The following GPN2 variants were observed in gnomAD, a reference collection of about 807,000 sequenced individuals.
GPN2 encodes GPN-loop GTPase 2.
A neutral mutation model predicts 30.1 loss-of-function variants in GPN2; 27 were observed. The ratio of observed to expected loss-of-function variants is 0.90; its 90% CI spans 0.66 to 1.24. The LOEUF is 1.24. Ranked by LOEUF, GPN2 falls within the 50% of genes most tolerant of loss-of-function variation. The probability of loss-of-function intolerance (pLI) is 0.00; values close to 1 mark genes in which losing one functional copy is unlikely to be tolerated. For missense variants in GPN2, 406 were observed against 405.4 expected (o/e 1.00, Z -0.01); for synonymous variants, 212 against 174.4 (o/e 1.22, Z -1.70).
At chr1:26,885,943 T>G (rs376374514) in intron 3 of GPN2, 30 bp downstream of exon 3, 10 of 1,560,210 alleles carry the variant, frequency 6.4e-6, no homozygotes, top group Non-Finnish European at 6.2e-6. Flanking sequence ...TCCCATGCAC[T>G]GTCAAGAGTC....
rs1333074231 is a variant in GPN2, at chr1:26,879,546, C to T, written c.*131G>A. On this transcript the variant is annotated 3_prime_UTR_variant, in exon 5 of 5. Transcript: ENST00000374135. ...TTTTGGCCAGAAGTCCTTTGCAGAG[C>T]TGAATATCCCCTTGCCAGCCCGCCA... 4.3e-6 allele frequency: 3 copies of T among 694,580 alleles called. No individual in the cohort carries two copies. The highest frequency in any genetic ancestry group is 2.6e-6 in the Non-Finnish European group (1 of 385,580). 43.0% of individuals were successfully genotyped at this position (694,580 alleles called of 1,614,324 possible).
At position 26,876,439 on chromosome 1, in the gene GPN2, C is replaced by A. The variant is rs1335227517; in HGVS notation, c.*3238G>T. ...CACCATGTTGGTCAGGCTTGTCTTACACTCCTGACCTCAGGTGATCAGCCC... is the reference window on the plus strand; with the variant it reads ...CACCATGTTGGTCAGGCTTGTCTTAAACTCCTGACCTCAGGTGATCAGCCC... On this transcript the variant is annotated 3_prime_UTR_variant, in exon 5 of 5. Coordinates refer to ENST00000374135, the MANE Select transcript of GPN2 (RefSeq NM_018066.4). 6.6e-6 allele frequency: 1 copy of A among 152,298 alleles called. No individual in the cohort carries two copies. Among genetic ancestry groups the A allele is most frequent in the African/African-American group, 2.4e-5 (1 of 41,566 alleles). The allele number at this position is 152,298 out of a possible 1,614,324, so 9.4% of individuals were successfully genotyped here.
rs541745795 is a variant in GPN2 at position 26,880,620 on chromosome 1, T to C, written c.861-871A>G. Reference sequence around the variant, plus strand: ...GCCACCACGCCTGGCCAAAAATAAATTTTTATACTTTAAAAAAAAAAAAGA... The same window carrying C: ...GCCACCACGCCTGGCCAAAAATAAACTTTTATACTTTAAAAAAAAAAAAGA... On this transcript the variant is annotated intron_variant, in intron 4 of 4. Transcript: ENST00000374135. Among the ~76,000 whole-genome samples, 17 of 152,094 alleles carry C rather than the reference T, an allele frequency of 1.1e-4. No homozygotes were observed. In the East Asian group the frequency reaches 3.3e-3, roughly 29 times the overall value.
At chr1:26,883,032 T>G (rs914312906) in intron 4 of GPN2, among the ~76,000 whole-genome samples, 4 of 152,190 alleles carry the variant, frequency 2.6e-5, no homozygotes, top group African/African-American at 4.8e-5. Flanking sequence ...TTTCTTTCTA[T>G]TCTCACTACA....
At chr1:26,884,338 T>G in intron 3 of GPN2, 48 bp from the exon 4 acceptor site, 1 of 1,565,324 alleles carries the variant, frequency 6.4e-7, no homozygotes, top group Non-Finnish European at 8.6e-7. Flanking sequence ...CAGAAGTATG[T>G]AAAACTGCTT....
At chr1:26,884,542 C>T (rs1429370389) in intron 3 of GPN2, among the ~76,000 whole-genome samples, 1 of 152,130 alleles carries the variant, frequency 6.6e-6, no homozygotes, top group Non-Finnish European at 1.5e-5. Context: ...ACATGGTATC[C>T]CTGCCATGTA....
intron 2 of GPN2, among the ~76,000 whole-genome samples, chr1:26,886,812 C>T (rs990499498): frequency 5.4e-5 from 8 of 148,478 alleles, no homozygotes; most frequent in Admixed American, 2.7e-4. Flanking sequence ...AGCAAGACTC[C>T]GTCTCAAAAA....
chr1:26,880,241 G>A (rs2081857664), intron 4 of GPN2, among the ~76,000 whole-genome samples: 1 of 152,174 alleles, frequency 6.6e-6, no homozygotes, highest in African/African-American at 2.4e-5. Context: ...ATTATAAAAG[G>A]GGTTGAAATG....
intron 4 of GPN2, among the ~76,000 whole-genome samples, chr1:26,880,063 C>T (rs889812441): frequency 1.3e-5 from 2 of 152,124 alleles, no homozygotes; most frequent in African/African-American, 2.4e-5. Context: ...TGGGGTCTGA[C>T]GAGGACATGG....
chr1:26,879,895 G>C (rs940572558), intron 4 of GPN2, 146 bp from the exon 5 acceptor site: 1 of 654,044 alleles, frequency 1.5e-6, no homozygotes, highest in African/African-American at 1.8e-5. Context: ...GGTATGAGAA[G>C]CCTCCAAAAA....
Position 26,877,168 on chromosome 1 carries a change from T to C in GPN2, c.*2509A>G, listed in dbSNP as rs1462845550. On this transcript the variant is annotated 3_prime_UTR_variant, in exon 5 of 5. Coordinates refer to ENST00000374135, the MANE Select transcript of GPN2 (RefSeq NM_018066.4). ...CTATTGGTACTTCCTACCTACTCTG[T>C]GGGGTGTTAATAGGGGTGAGGTGCT... The C allele has an allele frequency of 6.6e-6, 1 of 152,248 alleles. No individual in the cohort carries two copies. Among genetic ancestry groups the C allele is most frequent in the Non-Finnish European group, 1.5e-5 (1 of 68,082 alleles). 9.4% of individuals were successfully genotyped at this position (152,248 alleles called of 1,614,324 possible).
chr1:26,885,184 G>A (rs1051059233), intron 3 of GPN2, among the ~76,000 whole-genome samples: 1 of 152,182 alleles, frequency 6.6e-6, no homozygotes, highest in Non-Finnish European at 1.5e-5. Flanking sequence ...CATATCAGAA[G>A]AGTGTGGCAT....
At chr1:26,885,867 C>T (rs2081887999) in intron 3 of GPN2, 106 bp downstream of exon 3, 2 of 889,086 alleles carry the variant, frequency 2.2e-6, no homozygotes, top group East Asian at 2.4e-5. Flanking sequence ...GCTTGAGCAA[C>T]CGCGCCCAGC....
chr1:26,880,961 C>T (rs2081861665), intron 4 of GPN2, among the ~76,000 whole-genome samples: 1 of 152,198 alleles, frequency 6.6e-6, no homozygotes, highest in Non-Finnish European at 1.5e-5. Flanking sequence ...CTGACCACTC[C>T]CTTATTTGTA....
chr1:26,884,264 C>T lies in GPN2; in HGVS notation c.756G>A (p.Leu252=). The change falls in exon 4 of 5, where the codon CTG becomes CTA. Residue 252 remains leucine, a synonymous_variant. Coordinates refer to ENST00000374135, the MANE Select transcript of GPN2 (RefSeq NM_018066.4). The part of the protein sequence containing the change: ...IQDKESIQRV[L]QAVDKANGYC... ...ATCCATTGGCTTTATCCACAGCCTG[C>T]AGGACTCGCTGGATGCTCTCCTTGT... is the stretch of plus-strand genomic sequence containing the variant. 1.9e-6 allele frequency: 3 copies of T among 1,613,238 alleles called. No individual in the cohort carries two copies. The highest frequency in any genetic ancestry group is 2.5e-6 in the Non-Finnish European group (3 of 1,179,558).
chr1:26,885,575 A>G (rs936778903), intron 3 of GPN2, among the ~76,000 whole-genome samples: 1 of 124,264 alleles, frequency 8.0e-6, no homozygotes, highest in Non-Finnish European at 1.7e-5. Flanking sequence ...GGCAAAGACC[A>G]CTCTTTTTTT....
At chr1:26,881,891 A>C (rs1456882407) in intron 4 of GPN2, among the ~76,000 whole-genome samples, 1 of 151,494 alleles carries the variant, frequency 6.6e-6, no homozygotes, top group African/African-American at 2.4e-5. Context: ...GCCTGGGCAA[A>C]GGAGCAAGAC....
Position 26,879,731 on chromosome 1 carries a change from C to A in GPN2, c.879G>T (p.Glu293Asp). ...ACTGGTTCGAGGGTGCCAGGTACTTCTCCTGGATGCCCAGTGTGCTGAGGA... is the reference window on the plus strand; with the variant it reads ...ACTGGTTCGAGGGTGCCAGGTACTTATCCTGGATGCCCAGTGTGCTGAGGA... ...FHFSSTLGIQEKYLAPSNQSV... is the reference protein window; with the variant it reads ...FHFSSTLGIQDKYLAPSNQSV... The change falls in exon 5 of 5, where the codon GAG becomes GAT. Residue 293 changes from glutamate to aspartate, a missense_variant. Transcript: ENST00000374135. 6.2e-7 allele frequency: 1 copy of A among 1,613,744 alleles called. No homozygotes were observed. Among genetic ancestry groups the A allele is most frequent in the Non-Finnish European group, 8.5e-7 (1 of 1,179,730 alleles).
rs1339271465 is a variant in GPN2 at position 26,890,058 on chromosome 1, C to A, written c.39G>T (p.Ala13=). 1.3e-6 allele frequency: 2 copies of A among 1,576,110 alleles called. No homozygotes were observed. The highest frequency in any genetic ancestry group is 2.3e-5 in the East Asian group (1 of 44,346). The part of the protein sequence containing the change: ...GAAPTTAFGQ[A]VIGPPGSGKT... ...TCCCTGAGCCCGGCGGGCCGATCACCGCCTGCCCGAAGGCCGTGGTCGGAG... is the reference window on the plus strand; with the variant it reads ...TCCCTGAGCCCGGCGGGCCGATCACAGCCTGCCCGAAGGCCGTGGTCGGAG... The change falls in exon 1 of 5, where the codon GCG becomes GCT. Residue 13 remains alanine (A), a synonymous_variant. Transcript: ENST00000374135.
Sources: allele counts gnomAD v4.1 joint callset (sites outside exome capture counted in the v4.1 genomes callset), GRCh38; gene constraint gnomAD v4.1.1; transcripts MANE v1.5; gene names NCBI Gene and HGNC (gene_info 2026-07-23, HGNC 2026-07-21).